The following TEAD1 variants were observed in gnomAD, a reference collection of about 807,000 sequenced individuals.
TEAD1 encodes the protein transcriptional enhancer factor TEF-1.
TEAD1 carries 9 observed loss-of-function variants against 54.9 expected under a neutral mutation model. The observed-to-expected ratio is 0.16, with a 90% CI of 0.10 to 0.29. The LOEUF (loss-of-function observed/expected upper bound fraction) is 0.29. Among genes scored for constraint, TEAD1 ranks in the 10% least tolerant of loss-of-function variants. The pLI is 1.00. For synonymous variants in TEAD1, 200 were observed against 187.8 expected, an observed-to-expected ratio of 1.07 and a Z score of -0.53; for missense variants, 387 against 535.9, an observed-to-expected ratio of 0.72 and a Z score of 2.74.
intron 12 of TEAD1, among the ~76,000 whole-genome samples, chr11:12,931,826 A>C: frequency 6.6e-6 from 1 of 152,194 alleles, no homozygotes; most frequent in East Asian, 1.9e-4. Flanking sequence ...TGCATATTAG[A>C]TTCATCCAGG....
At chr11:12,908,886 T>TTTTTTTTTTG (rs1554948595) in intron 10 of TEAD1, among the ~76,000 whole-genome samples, 2 of 134,052 alleles carry the variant, frequency 1.5e-5, no homozygotes, top group East Asian at 5.3e-4. Flanking sequence ...ATTATCTGTT[T>TTTTTTTTTTG]TTTTTTTTTT....
At chr11:12,919,832 T>A (rs532493383) in intron 10 of TEAD1, among the ~76,000 whole-genome samples, 1 of 152,294 alleles carries the variant, frequency 6.6e-6, no homozygotes, top group East Asian at 1.9e-4. Flanking sequence ...TATGTTGAAT[T>A]TTTATTTTAT....
intron 3 of TEAD1, among the ~76,000 whole-genome samples, chr11:12,845,377 C>G (rs1014548195): frequency 2.0e-5 from 3 of 152,158 alleles, no homozygotes; most frequent in African/African-American, 7.2e-5. Flanking sequence ...TTTCAAAGCA[C>G]TATCGTGTGT....
chr11:12,906,576 A>G (rs1201860413), intron 10 of TEAD1, among the ~76,000 whole-genome samples: 1 of 151,774 alleles, frequency 6.6e-6, no homozygotes, highest in African/African-American at 2.4e-5. Context: ...AGAAAAGTAC[A>G]ATTTAATTAT....
intron 1 of TEAD1, among the ~76,000 whole-genome samples, chr11:12,675,179 C>T (rs1269378865): frequency 1.3e-5 from 2 of 150,998 alleles, no homozygotes; most frequent in Non-Finnish European, 3.0e-5. Context: ...CCTCGGGCGC[C>T]TTGGACGGGG....
chr11:12,745,454 A>G (rs1190053449), intron 2 of TEAD1, among the ~76,000 whole-genome samples: 1 of 152,174 alleles, frequency 6.6e-6, no homozygotes, highest in Non-Finnish European at 1.5e-5. Context: ...AAGTTCTTCT[A>G]TGAAATTTTT....
rs78437449 is a variant in TEAD1 at position 12,734,833 on chromosome 11, T to C, written c.-54-29346T>C. On this transcript the variant is annotated intron_variant, in intron 2 of 12. Transcript: ENST00000527636. ...GTGATGTTGATGTACGATGACGAAA[T>C]TGACTGACAACACATTTTGTTAAGC... Among the ~76,000 whole-genome samples the C allele has an allele frequency of 2.2e-3, 341 of 152,322 alleles. 1 individual carries two copies. The highest frequency in any genetic ancestry group is 7.4e-3 in the African/African-American group (306 of 41,570).
chr11:12,841,734 T>C (rs2134035244), intron 3 of TEAD1, among the ~76,000 whole-genome samples: 1 of 152,330 alleles, frequency 6.6e-6, no homozygotes, highest in South Asian at 2.1e-4. Flanking sequence ...GTTCTCTGCA[T>C]GTGTTTGGAA....
At chr11:12,797,866 A>G (rs937829665) in intron 3 of TEAD1, among the ~76,000 whole-genome samples, 1 of 151,632 alleles carries the variant, frequency 6.6e-6, no homozygotes, top group African/African-American at 2.4e-5. Flanking sequence ...TATTTGATTT[A>G]CCCTGTAGGG....
At chr11:12,890,003 T>TGA (rs1314377544) in intron 9 of TEAD1, among the ~76,000 whole-genome samples, 1 of 152,174 alleles carries the variant, frequency 6.6e-6, no homozygotes, top group Non-Finnish European at 1.5e-5. Flanking sequence ...ATTACAGGTG[T>TGA]GAGCCACCGT....
At chr11:12,909,853 A>G (rs1163617415) in intron 10 of TEAD1, among the ~76,000 whole-genome samples, 2 of 152,326 alleles carry the variant, frequency 1.3e-5, no homozygotes, top group East Asian at 3.9e-4. Flanking sequence ...AAAATTACGC[A>G]TTGATGTGGC....
At chr11:12,828,220 C>T (rs1946695886) in intron 3 of TEAD1, 2 of 152,226 alleles carry the variant, frequency 1.3e-5, no homozygotes, top group Non-Finnish European at 2.9e-5. Context: ...ACTTGATTCA[C>T]AAGGACGCTA....
intron 2 of TEAD1, among the ~76,000 whole-genome samples, chr11:12,721,669 G>A (rs1016339337): frequency 1.3e-5 from 2 of 152,054 alleles, no homozygotes; most frequent in South Asian, 2.1e-4. Context: ...ATTGGATAAC[G>A]TCTGTTAGCC....
chr11:12,908,338 T>C (rs1453756151), intron 10 of TEAD1, among the ~76,000 whole-genome samples: 6 of 152,170 alleles, frequency 3.9e-5, no homozygotes, highest in African/African-American at 9.7e-5. Context: ...TAGTCAATCC[T>C]TAATTGGTCA....
At chr11:12,862,136 C>A in intron 3 of TEAD1, 114 bp from the exon 4 acceptor site, 3 of 796,408 alleles carry the variant, frequency 3.8e-6, no homozygotes, top group Non-Finnish European at 6.5e-6. Flanking sequence ...TATTAGTAAA[C>A]ACATAGTTGT....
intron 2 of TEAD1, among the ~76,000 whole-genome samples, chr11:12,700,763 G>A (rs1943683562): frequency 6.6e-6 from 1 of 152,158 alleles, no homozygotes. Flanking sequence ...TATATTTGGT[G>A]TAAAATGAAA....
At chr11:12,852,185 C>T (rs1264621734) in intron 3 of TEAD1, among the ~76,000 whole-genome samples, 2 of 152,082 alleles carry the variant, frequency 1.3e-5, no homozygotes, top group African/African-American at 2.4e-5. Context: ...TGAAGAGCCA[C>T]ATTCTAGAAT....
At chr11:12,826,128 A>G (rs535962049) in intron 3 of TEAD1, among the ~76,000 whole-genome samples, 141 of 152,352 alleles carry the variant, frequency 9.3e-4, no homozygotes, top group Non-Finnish European at 1.6e-3. Flanking sequence ...CTTAGATATT[A>G]AACTGGAAGC....
At position 12,940,013 on chromosome 11, in the gene TEAD1, C is replaced by G. The variant is rs539096917; in HGVS notation, c.*2791C>G. 1.3e-5 allele frequency: 2 copies of G among 152,244 alleles called. No individual in the cohort carries two copies. Among genetic ancestry groups the G allele is most frequent in the African/African-American group, 2.4e-5 (1 of 41,430 alleles). The allele number at this position is 152,244 out of a possible 1,614,324, so 9.4% of individuals were successfully genotyped here. Reference sequence around the variant, plus strand: ...TTCTCTTCCAGGTGCTCTATCCCCTCGAGACCCTCTGGTGCCAGGCTTGCT... The same window carrying G: ...TTCTCTTCCAGGTGCTCTATCCCCTGGAGACCCTCTGGTGCCAGGCTTGCT... On this transcript the variant is annotated 3_prime_UTR_variant, in exon 13 of 13. Coordinates refer to ENST00000527636, the MANE Select transcript of TEAD1 (RefSeq NM_021961.6).
Sources: allele counts gnomAD v4.1 joint callset (sites outside exome capture counted in the v4.1 genomes callset), GRCh38; gene constraint gnomAD v4.1.1; transcripts MANE v1.5; gene names NCBI Gene and HGNC (gene_info 2026-07-23, HGNC 2026-07-21).